Variants in CACNA1G observed in about 807,000 individuals in gnomAD.
CACNA1G encodes calcium voltage-gated channel subunit alpha1 G.
Under a neutral mutation model 219.4 loss-of-function variants are expected in CACNA1G, and 67 were observed. That is an observed-to-expected ratio of 0.31 (90% CI 0.25 to 0.37). The LOEUF (loss-of-function observed/expected upper bound fraction) is 0.37. CACNA1G is among the 10% of genes least tolerant of loss of function. CACNA1G has a pLI of 1.00. For missense variants in CACNA1G, 2,380 were observed against 3,231.4 expected, an observed-to-expected ratio of 0.74 and a Z score of 6.39; for synonymous variants, 1,296 against 1,345.3, an observed-to-expected ratio of 0.96 and a Z score of 0.80.
chr17:50,618,730 G>A lies in CACNA1G; in HGVS notation c.5503G>A (p.Val1835Met). Residue 1835 changes from valine (V) to methionine (M), a missense_variant, in exon 33 of 38, where the codon GTG (valine) becomes ATG (methionine). By Grantham distance (21) the Val-to-Met change is conservative. This residue lies in a region of CACNA1G where 33 missense variants were observed against 70.2 expected (regional missense o/e 0.47). Coordinates refer to ENST00000359106, the MANE Select transcript of CACNA1G (RefSeq NM_018896.5). This position sits in a 1 kb window ranked among gnomAD's most constrained non-coding sequence, Gnocchi z 5.3. Reference sequence around the variant, plus strand: ...CTCGCCTATCTACTTTGTGTCCTTCGTGCTGACGGCCCAGTTCGTGCTAGT... The same window carrying A: ...CTCGCCTATCTACTTTGTGTCCTTCATGCTGACGGCCCAGTTCGTGCTAGT... ...VISPIYFVSF[V>M]LTAQFVLVNV... 1.9e-6 allele frequency: 3 copies of A among 1,613,926 alleles called. No homozygotes were observed. Among genetic ancestry groups the A allele is most frequent in the Non-Finnish European group, 2.5e-6 (3 of 1,179,892 alleles).
chr17:50,591,999 G>A lies in CACNA1G; in HGVS notation c.2817G>A (p.Trp939Ter). 6.2e-7 allele frequency: 1 copy of A among 1,613,982 alleles called. No homozygotes were observed. Among genetic ancestry groups the A allele is most frequent in the Non-Finnish European group, 8.5e-7 (1 of 1,179,864 alleles). Residue 939 changes from tryptophan to a stop codon, truncating the protein, a stop_gained, in exon 13 of 38, where the codon TGG becomes TGA. Transcript: ENST00000359106. LOFTEE classifies it high-confidence loss of function. ...LYNGMASTSS[W>*]AALYFIALMT... ...ATGGTATGGCCTCCACGTCGTCCTG[G>A]GCGGCCCTTTATTTCATTGCCCTCA...
rs537502515 is a variant in CACNA1G at position 50,597,000 on chromosome 17, C to A, written c.3258+77C>A. On this transcript the variant is annotated intron_variant, in intron 16 of 37. Transcript: ENST00000359106. This position sits in a 1 kb window ranked among gnomAD's most constrained non-coding sequence, Gnocchi z 4.8. ...AGGAGGAAGAGAGGATGGAGGCAGG[C>A]GGGTCCAAGGGCACAGCCCCTGCCC... The A allele has an allele frequency of 3.0e-6, 4 of 1,340,760 alleles. No homozygotes were observed. The African/African-American group carries it at 4.4e-5, about 15-fold the overall frequency. 83.1% of individuals were successfully genotyped at this position (1,340,760 alleles called of 1,614,324 possible).
At chr17:50,598,834 G>A (rs759093610) in intron 16 of CACNA1G, among the ~76,000 whole-genome samples, 29 of 152,110 alleles carry the variant, frequency 1.9e-4, no homozygotes, top group Non-Finnish European at 3.4e-4. Context: ...TCAAGTGATT[G>A]TCCTGCCTCA....
chr17:50,576,959 T>C (rs763634572), intron 8 of CACNA1G, among the ~76,000 whole-genome samples: 11 of 152,148 alleles, frequency 7.2e-5, no homozygotes, highest in Admixed American at 2.0e-4. Context: ...GTGAGACACA[T>C]AGGGACGTCG....
In CACNA1G at chr17:50,618,167, G is replaced by A. The variant is rs1392697627; in HGVS notation, c.5305+41G>A. 1.9e-6 allele frequency: 3 copies of A among 1,612,942 alleles called. No individual in the cohort carries two copies. The African/African-American group carries it at 4.0e-5, about 22-fold the overall frequency. On this transcript the variant is annotated intron_variant, in intron 31 of 37. Transcript: ENST00000359106. The surrounding 1 kb of genome is among the most constrained non-coding windows in gnomAD (Gnocchi z 5.3). ...GGAGGGTGGAGGAGCCAGGGCTGGA[G>A]ACCAGGGGGCTCCTGGACTAACATG...
At position 50,575,803 on chromosome 17, in the gene CACNA1G, C is replaced by G. The variant is rs770844552; in HGVS notation, c.1401C>G (p.Ser467Arg). 6.4e-7 allele frequency: 1 copy of G among 1,552,158 alleles called. No individual in the cohort carries two copies. Among genetic ancestry groups the G allele is most frequent in the African/African-American group, 1.4e-5 (1 of 73,122 alleles). ...AAGVRVGLLS[S>R]PAPLGGQETQ... ...GTGTGCGGGTTGGGCTGCTCAGCAGCCCAGCACCCCTCGGGGGCCAGGAGA... is the reference window on the plus strand; with the variant it reads ...GTGTGCGGGTTGGGCTGCTCAGCAGGCCAGCACCCCTCGGGGGCCAGGAGA... The change falls in exon 8 of 38, where the codon AGC becomes AGG. Residue 467 changes from serine (S) to arginine (R), a missense_variant. Coordinates refer to ENST00000359106, the MANE Select transcript of CACNA1G (RefSeq NM_018896.5).
At chr17:50,584,464 C>T (rs2042606420) in intron 9 of CACNA1G, among the ~76,000 whole-genome samples, 1 of 152,018 alleles carries the variant, frequency 6.6e-6, no homozygotes, top group Non-Finnish European at 1.5e-5. Flanking sequence ...AGAGCTGGAG[C>T]TGTGGGGCCC....
chr17:50,621,123 G>A lies in CACNA1G; in HGVS notation c.5926-537G>A, dbSNP rs905893854. Among the ~76,000 whole-genome samples, 10 of 152,258 alleles carry A rather than the reference G, an allele frequency of 6.6e-5. No homozygotes were observed. Among genetic ancestry groups the A allele is most frequent in the African/African-American group, 1.9e-4 (8 of 41,468 alleles). ...CGAGGGGAGAAGCCAGAATCTGGGGGCAGGCCAAGTCCTGCCAGGCTGTTG... is the reference window on the plus strand; with the variant it reads ...CGAGGGGAGAAGCCAGAATCTGGGGACAGGCCAAGTCCTGCCAGGCTGTTG... On this transcript the variant is annotated intron_variant, in intron 34 of 37. Coordinates refer to ENST00000359106, the MANE Select transcript of CACNA1G (RefSeq NM_018896.5). The surrounding 1 kb of genome is among the most constrained non-coding windows in gnomAD (Gnocchi z 4.6).
rs2039436782 is a variant in CACNA1G, at chr17:50,571,494, G to A, written c.587-384G>A. On this transcript the variant is annotated intron_variant, in intron 4 of 37. Coordinates refer to ENST00000359106, the MANE Select transcript of CACNA1G (RefSeq NM_018896.5). The surrounding 1 kb of genome is among the most constrained non-coding windows in gnomAD (Gnocchi z 4.3). ...AAGCCAAAGCCTGGGTTCGAGTTCC[G>A]GCACCTACACTTAGCAGCTGTGTGA... Among the ~76,000 whole-genome samples the A allele has an allele frequency of 5.9e-5, 9 of 152,154 alleles. No individual in the cohort carries two copies. Among genetic ancestry groups the A allele is most frequent in the Admixed American group, 5.9e-4 (9 of 15,278 alleles).
At position 50,602,872 on chromosome 17, in the gene CACNA1G, C is replaced by A; in HGVS notation, c.3968C>A (p.Ala1323Asp). Residue 1323 changes from alanine to aspartate, a missense_variant, in exon 20 of 38, where the codon GCT becomes GAT. By Grantham distance (126) the Ala-to-Asp change is moderately radical. This residue lies in a region of CACNA1G where 153 missense variants were observed against 374.9 expected (regional missense o/e 0.41). Transcript: ENST00000359106. ...TACATCTTCACCGCAGTCTTTCTGG[C>A]TGAAATGACAGTGAAGGTGATGGGG... ...SNYIFTAVFL[A>D]EMTVKVVALG... 1 of 1,613,212 alleles carries A rather than the reference C, an allele frequency of 6.2e-7. No individual in the cohort carries two copies.
In CACNA1G at chr17:50,618,795, G is replaced by A. The variant is rs761270153; in HGVS notation, c.5568G>A (p.Glu1856=). 1.9e-6 allele frequency: 3 copies of A among 1,614,022 alleles called. No homozygotes were observed. The highest frequency in any genetic ancestry group is 1.6e-4 in the Middle Eastern group (1 of 6,062). ...VIAVLMKHLE[E]SNKEAKEEAE... ...CCGTGCTGATGAAGCACCTGGAGGA[G>A]AGCAACAAGGAGGCCAAGGAGGAGG... Residue 1856 remains glutamate (E), a synonymous_variant, in exon 33 of 38, where the codon GAG becomes GAA. Transcript: ENST00000359106. This position sits in a 1 kb window ranked among gnomAD's most constrained non-coding sequence, Gnocchi z 5.3.
rs1428931372 is a variant in CACNA1G at position 50,603,198 on chromosome 17, A to G, written c.4168A>G (p.Arg1390Gly). Residue 1390 changes from arginine (R) to glycine (G), a missense_variant and splice_region_variant, in exon 21 of 38, where the codon AGG becomes GGG. Physicochemically the swap from Arg to Gly is moderately radical, Grantham distance 125 (BLOSUM62 -2). Transcript: ENST00000359106. The surrounding 1 kb of genome is among the most constrained non-coding windows in gnomAD (Gnocchi z 6.4). The stretch of plus-strand genomic sequence containing the variant: ...GCTGCTGCGGACCCTGCGCCCGCTC[A>G]GGTGACTCCCTCCCCAGCACTGGAA... ...LRLLRTLRPL[R>G]VISRAQGLKL... 6.2e-7 allele frequency: 1 copy of G among 1,601,484 alleles called. No homozygotes were observed.
At position 50,603,306 on chromosome 17, in the gene CACNA1G, A is replaced by G. The variant is rs1173655915; in HGVS notation, c.4169+107A>G. 8.5e-6 allele frequency: 8 copies of G among 945,802 alleles called. No individual in the cohort carries two copies. Among genetic ancestry groups the G allele is most frequent in the Non-Finnish European group, 1.3e-5 (8 of 633,242 alleles). 58.6% of individuals were successfully genotyped at this position (945,802 alleles called of 1,614,324 possible). ...CACGAAACAAAAGCCTGCACAGGCCAGCATCCTGTCTGTGACCCCCACAGG... is the reference window on the plus strand; with the variant it reads ...CACGAAACAAAAGCCTGCACAGGCCGGCATCCTGTCTGTGACCCCCACAGG... On this transcript the variant is annotated intron_variant, in intron 21 of 37. Coordinates refer to ENST00000359106, the MANE Select transcript of CACNA1G (RefSeq NM_018896.5). The surrounding 1 kb of genome is among the most constrained non-coding windows in gnomAD (Gnocchi z 6.4).
rs1254788839 is a variant in CACNA1G at position 50,560,736 on chromosome 17, C to T, written c.-724C>T. On this transcript the variant is annotated 5_prime_UTR_variant, in exon 1 of 38. Transcript: ENST00000359106. Reference sequence around the variant, plus strand: ...TGGTGTGCGCGGGGCTCCTCGCCGCCGCTTTCGCTCGCTCGCTCCGCGTCT... The same window carrying T: ...TGGTGTGCGCGGGGCTCCTCGCCGCTGCTTTCGCTCGCTCGCTCCGCGTCT... Among the ~76,000 whole-genome samples the T allele has an allele frequency of 6.6e-6, 1 of 152,194 alleles. No homozygotes were observed.
rs918672141 is a variant in CACNA1G, at chr17:50,603,980, G to A, written c.4170-175G>A. Among the ~76,000 whole-genome samples, 2 of 152,206 alleles carry A rather than the reference G, an allele frequency of 1.3e-5. No homozygotes were observed. The highest frequency in any genetic ancestry group is 1.9e-4 in the East Asian group (1 of 5,198). ...TGGGGATCTCTGCCACTTGTTTTGA[G>A]AGATTACAATAGGGGTCCTGATGGC... On this transcript the variant is annotated intron_variant, in intron 21 of 37. Coordinates refer to ENST00000359106, the MANE Select transcript of CACNA1G (RefSeq NM_018896.5). The surrounding 1 kb of genome is among the most constrained non-coding windows in gnomAD (Gnocchi z 6.4).
intron 9 of CACNA1G, among the ~76,000 whole-genome samples, chr17:50,588,373 C>T: frequency 2.1e-5 from 1 of 47,926 alleles, no homozygotes; most frequent in Non-Finnish European, 3.7e-5. Context: ...CATACCTGTG[C>T]GGTCCATGTT....
At chr17:50,569,056 T>C in intron 2 of CACNA1G, 75 bp downstream of exon 2, 1 of 1,536,534 alleles carries the variant, frequency 6.5e-7, no homozygotes. Flanking sequence ...CTTAATACCC[T>C]CTACTCCTCT....
At chr17:50,592,929 AC>A (rs1904359982) in intron 13 of CACNA1G, among the ~76,000 whole-genome samples, 1 of 152,162 alleles carries the variant, frequency 6.6e-6, no homozygotes. Flanking sequence ...CGGTGGAAAA[AC>A]AAAAATCTAT....
At position 50,594,992 on chromosome 17, in the gene CACNA1G, G is replaced by A. The variant is rs1471138766; in HGVS notation, c.2911-1G>A. On this transcript the variant is annotated splice_acceptor_variant, in intron 13 of 37. Transcript: ENST00000359106. LOFTEE classifies it high-confidence loss of function. The stretch of plus-strand genomic sequence containing the variant: ...TCCCCTGCCTCCCCCTTTCCCTGTA[G>A]GAAATCAGCAAACGGGAAGATGCGA... 3 of 1,553,362 alleles carry A rather than the reference G, an allele frequency of 1.9e-6. No individual in the cohort carries two copies. The South Asian group carries it at 3.6e-5, about 18-fold the overall frequency.
Sources: gnomAD v4.1 joint callset for allele counts (sites outside exome capture counted in the v4.1 genomes callset) on GRCh38, gnomAD v4.1.1 for gene constraint, gnomAD v4.1.1 regional missense constraint, Gnocchi (gnomAD v3.1) non-coding constraint, MANE v1.5 for transcripts, NCBI Gene and HGNC (gene_info 2026-07-23, HGNC 2026-07-21) for gene names.